TACR1: variants seen among roughly 807,000 people sequenced by gnomAD.
TACR1 encodes the protein substance-P receptor.
In TACR1, 25 loss-of-function variants were observed where a neutral mutation model predicts 35.8. The ratio of observed to expected loss-of-function variants is 0.70; its 90% CI spans 0.51 to 0.98. The LOEUF is 0.98. Ranked by LOEUF, TACR1 falls within the 50% of genes least tolerant of loss-of-function variation. TACR1 has a pLI of 0.00. For missense variants in TACR1, 478 were observed against 522.9 expected (o/e 0.91, Z 0.84); for synonymous variants, 195 against 206.7 (o/e 0.94, Z 0.48).
intron 2 of TACR1, among the ~76,000 whole-genome samples, chr2:75,061,139 AT>A (rs1186547882): frequency 1.3e-5 from 2 of 151,026 alleles, no homozygotes; most frequent in Non-Finnish European, 1.5e-5. Context: ...CAAGATGGCC[AT>A]GAGAAGAGAG....
intron 1 of TACR1, among the ~76,000 whole-genome samples, chr2:75,174,925 A>C (rs1675376463): frequency 6.6e-6 from 1 of 152,218 alleles, no homozygotes; most frequent in Non-Finnish European, 1.5e-5. Context: ...TGAGGGGCTG[A>C]ACACAGGCTT....
At chr2:75,174,308 G>A (rs1675361608) in intron 1 of TACR1, among the ~76,000 whole-genome samples, 1 of 152,160 alleles carries the variant, frequency 6.6e-6, no homozygotes, top group South Asian at 2.1e-4. Flanking sequence ...TACGTTCCAA[G>A]ACCCCCAGCA....
intron 2 of TACR1, among the ~76,000 whole-genome samples, chr2:75,096,921 C>T (rs1253427080): frequency 2.0e-5 from 3 of 152,222 alleles, no homozygotes; most frequent in Non-Finnish European, 4.4e-5. Flanking sequence ...TTCTATTACA[C>T]CTCTTTCAGG....
intron 1 of TACR1, among the ~76,000 whole-genome samples, chr2:75,162,621 T>G (rs1675038667): frequency 2.0e-5 from 3 of 152,254 alleles, no homozygotes; most frequent in Admixed American, 6.5e-5. Flanking sequence ...CTTAATTATA[T>G]TTCATGACTT....
chr2:75,147,750 T>C (rs1021870958), intron 1 of TACR1, among the ~76,000 whole-genome samples: 1 of 151,582 alleles, frequency 6.6e-6, no homozygotes, highest in African/African-American at 2.4e-5. Flanking sequence ...TCATTCCTTT[T>C]TTTTTTTTTC....
chr2:75,190,167 G>A (rs963734499), intron 1 of TACR1, among the ~76,000 whole-genome samples: 7 of 152,110 alleles, frequency 4.6e-5, no homozygotes, highest in Non-Finnish European at 1.5e-5. Context: ...TAAAACTCAC[G>A]CAGCTATAAG....
At chr2:75,081,095 G>A (rs1276738410) in intron 2 of TACR1, among the ~76,000 whole-genome samples, 1 of 152,186 alleles carries the variant, frequency 6.6e-6, no homozygotes, top group African/African-American at 2.4e-5. Context: ...CAATGCATCA[G>A]CCTCTCAATT....
intron 2 of TACR1, among the ~76,000 whole-genome samples, chr2:75,085,107 C>T (rs1673166567): frequency 6.6e-6 from 1 of 152,026 alleles, no homozygotes; most frequent in Non-Finnish European, 1.5e-5. Context: ...AAATGTGTCC[C>T]AGAGATTCTG....
intron 1 of TACR1, among the ~76,000 whole-genome samples, chr2:75,152,305 C>T (rs1674691113): frequency 6.6e-6 from 1 of 152,152 alleles, no homozygotes. Flanking sequence ...CCCATAATTC[C>T]CACGTGTTGT....
chr2:75,141,529 G>GA (rs531502268), intron 1 of TACR1, among the ~76,000 whole-genome samples: 53,441 of 144,336 alleles, frequency 0.37, 9,958 homozygotes, highest in Non-Finnish European at 0.44. Flanking sequence ...TGGAGGCAAG[G>GA]AAAAAAAAAA....
At chr2:75,147,133 T>C (rs1362615055) in intron 1 of TACR1, among the ~76,000 whole-genome samples, 2 of 152,244 alleles carry the variant, frequency 1.3e-5, no homozygotes, top group African/African-American at 2.4e-5. Flanking sequence ...TATTTTCCTG[T>C]TTGTCTAAGC....
At chr2:75,139,525 G>T (rs1287880004) in intron 1 of TACR1, among the ~76,000 whole-genome samples, 2 of 152,198 alleles carry the variant, frequency 1.3e-5, no homozygotes, top group Non-Finnish European at 1.5e-5. Context: ...TGGAACACGG[G>T]CTTAGCTGTC....
At chr2:75,075,097 C>G (rs1422855245) in intron 2 of TACR1, among the ~76,000 whole-genome samples, 1 of 152,214 alleles carries the variant, frequency 6.6e-6, no homozygotes, top group African/African-American at 2.4e-5. Flanking sequence ...ATGCAGGCAG[C>G]TTTAAGAAGA....
chr2:75,145,014 A>G (rs1418375859), intron 1 of TACR1, among the ~76,000 whole-genome samples: 1 of 152,182 alleles, frequency 6.6e-6, no homozygotes, highest in African/African-American at 2.4e-5. Context: ...TAATCAATAC[A>G]TTTGGAATGT....
Position 75,096,394 on chromosome 2 carries a change from A to T in TACR1, c.584+24180T>A, listed in dbSNP as rs375454396. Among the ~76,000 whole-genome samples the T allele has an allele frequency of 4.5e-4, 68 of 152,360 alleles. 2 individuals are homozygous for T. The highest frequency in any genetic ancestry group is 4.0e-3 in the East Asian group (21 of 5,186). ...TTTGAAAATGCCCTGGTAGCATGAAAGGGTGCCAGATTTGGATTTGGAAGA... is the reference window on the plus strand; with the variant it reads ...TTTGAAAATGCCCTGGTAGCATGAATGGGTGCCAGATTTGGATTTGGAAGA... On this transcript the variant is annotated intron_variant, in intron 2 of 4. Coordinates refer to ENST00000305249, the MANE Select transcript of TACR1 (RefSeq NM_001058.4).
intron 1 of TACR1, among the ~76,000 whole-genome samples, chr2:75,181,344 GA>G (rs931468776): frequency 6.8e-6 from 1 of 146,980 alleles, no homozygotes; most frequent in South Asian, 2.1e-4. Context: ...AATTTAAAAA[GA>G]AAAAAAAGGA....
chr2:75,100,794 A>G (rs1323624490), intron 2 of TACR1, among the ~76,000 whole-genome samples: 2 of 152,250 alleles, frequency 1.3e-5, no homozygotes. Context: ...GAATAAGTCA[A>G]AAAATAATGT....
intron 1 of TACR1, among the ~76,000 whole-genome samples, chr2:75,153,826 T>C (rs3771836): frequency 6.6e-6 from 1 of 151,988 alleles, no homozygotes; most frequent in Non-Finnish European, 1.5e-5. Flanking sequence ...TCCTCACGTA[T>C]CCTCTCTTCC....
At chr2:75,119,639 A>T (rs1031088593) in intron 2 of TACR1, among the ~76,000 whole-genome samples, 1 of 152,194 alleles carries the variant, frequency 6.6e-6, no homozygotes, top group Non-Finnish European at 1.5e-5. Context: ...TACTTCGAGA[A>T]ACCCTAAATG....
Sources: gnomAD v4.1 joint callset for allele counts (sites outside exome capture counted in the v4.1 genomes callset) on GRCh38, gnomAD v4.1.1 for gene constraint, MANE v1.5 for transcripts, NCBI Gene and HGNC (gene_info 2026-07-23, HGNC 2026-07-21) for gene names.